Variants in SP100 observed in about 807,000 individuals in gnomAD.
The protein encoded by SP100 is nuclear autoantigen Sp-100.
SP100 carries 84 observed loss-of-function variants against 130.0 expected under a neutral mutation model. That is an observed-to-expected ratio of 0.65 (90% confidence interval 0.54 to 0.77). The LOEUF is 0.77. SP100 is among the 30% of genes least tolerant of loss of function. The probability of loss-of-function intolerance (pLI) is 0.00; values close to 1 mark genes in which losing one functional copy is unlikely to be tolerated. For synonymous variants in SP100, 331 were observed against 351.7 expected, an observed-to-expected ratio of 0.94 and a Z score of 0.66; for missense variants, 978 against 1,052.2, an observed-to-expected ratio of 0.93 and a Z score of 0.97.
At chr2:230,419,521 G>A (rs1215731280) in intron 2 of SP100, among the ~76,000 whole-genome samples, 2 of 152,186 alleles carry the variant, frequency 1.3e-5, no homozygotes, top group African/African-American at 2.4e-5. Context: ...ATTCAGATAT[G>A]CCAAAGAGAA....
At chr2:230,461,863 C>T (rs958710378) in intron 9 of SP100, among the ~76,000 whole-genome samples, 2 of 151,636 alleles carry the variant, frequency 1.3e-5, no homozygotes, top group African/African-American at 2.4e-5. Flanking sequence ...GCAGGAGCAT[C>T]GTTTGAGCCT....
In SP100 at chr2:230,460,844, C is replaced by T. The variant is rs1285438124; in HGVS notation, c.821-418C>T. 1.4e-4 allele frequency among the ~76,000 whole-genome samples: 3 copies of T among 21,980 alleles called. 1 individual carries two copies. The highest frequency in any genetic ancestry group is 7.7e-4 in the East Asian group (2 of 2,596). The allele number at this position is 21,980 out of a possible 152,430, so 14.4% of individuals were successfully genotyped here. ...TTCACCTTGTTAGCCAGGATGGTCT[C>T]GATCTCCTGACCTCATGATCCACCC... On this transcript the variant is annotated intron_variant, in intron 8 of 28. Transcript: ENST00000340126.
intron 17 of SP100, among the ~76,000 whole-genome samples, chr2:230,476,466 C>T (rs1267434369): frequency 6.6e-6 from 1 of 152,098 alleles, no homozygotes; most frequent in Non-Finnish European, 1.5e-5. Context: ...ACCTGAATGC[C>T]TTTTAAAGTA....
chr2:230,523,296 T>G (rs554102631), intron 24 of SP100, among the ~76,000 whole-genome samples: 6 of 152,382 alleles, frequency 3.9e-5, no homozygotes, highest in African/African-American at 1.4e-4. Context: ...TTTGTTTGTG[T>G]GTATACACGT....
intron 10 of SP100, chr2:230,463,740 A>G (rs984024235): frequency 2.3e-5 from 4 of 175,638 alleles, no homozygotes; most frequent in South Asian, 1.3e-4. Flanking sequence ...TCACGAATTT[A>G]ACAGAAGATC....
intron 2 of SP100, among the ~76,000 whole-genome samples, chr2:230,434,442 A>G (rs903469510): frequency 3.3e-5 from 5 of 152,216 alleles, no homozygotes; most frequent in African/African-American, 1.2e-4. Context: ...CCTTGTATAT[A>G]TCAGATACTC....
intron 23 of SP100, chr2:230,508,924 CACACACACACACACACACACACAT>C (rs1382506818): frequency 3.6e-5 from 1 of 27,812 alleles, no homozygotes. Flanking sequence ...CCACCACACA[CACACACACACACACACACACACAT>C]ACACACACAC....
intron 17 of SP100, among the ~76,000 whole-genome samples, chr2:230,481,873 GC>G (rs1181773115): frequency 2.6e-5 from 4 of 152,154 alleles, no homozygotes; most frequent in Non-Finnish European, 5.9e-5. Context: ...TACATAAGAT[GC>G]TTTTACCTGG....
chr2:230,422,776 G>T (rs951897145), intron 2 of SP100, among the ~76,000 whole-genome samples: 1 of 152,126 alleles, frequency 6.6e-6, no homozygotes, highest in African/African-American at 2.4e-5. Context: ...GCATAGATTG[G>T]TTCTCTAATG....
At chr2:230,481,361 T>C (rs1172233346) in intron 17 of SP100, among the ~76,000 whole-genome samples, 1 of 152,168 alleles carries the variant, frequency 6.6e-6, no homozygotes, top group African/African-American at 2.4e-5. Context: ...TCATCAGTAA[T>C]CCTCATCTCA....
intron 3 of SP100, among the ~76,000 whole-genome samples, chr2:230,443,341 G>A (rs2063546184): frequency 6.6e-6 from 1 of 152,218 alleles, no homozygotes; most frequent in African/African-American, 2.4e-5. Context: ...GTCCTCTGGA[G>A]TTGGAGTGAA....
intron 2 of SP100, among the ~76,000 whole-genome samples, chr2:230,428,861 G>A (rs2063017356): frequency 6.6e-6 from 1 of 152,132 alleles, no homozygotes; most frequent in African/African-American, 2.4e-5. Context: ...CCAACACTGG[G>A]GATTACAATT....
intron 2 of SP100, among the ~76,000 whole-genome samples, chr2:230,427,533 T>G (rs1325864685): frequency 6.6e-6 from 1 of 152,168 alleles, no homozygotes; most frequent in African/African-American, 2.4e-5. Context: ...AGTCACTCTA[T>G]TTCTTTTGAT....
At chr2:230,478,043 T>C (rs113719970) in intron 17 of SP100, among the ~76,000 whole-genome samples, 15 of 152,102 alleles carry the variant, frequency 9.9e-5, no homozygotes, top group African/African-American at 3.4e-4. Context: ...CCACTAAAAA[T>C]TTTTTTGTAC....
intron 2 of SP100, among the ~76,000 whole-genome samples, chr2:230,436,072 A>G (rs1027210898): frequency 2.0e-5 from 3 of 152,154 alleles, no homozygotes; most frequent in African/African-American, 7.2e-5. Context: ...ATTTCAGAAT[A>G]ATGGATGTTT....
chr2:230,443,993 A>G (rs1417699013), intron 3 of SP100, among the ~76,000 whole-genome samples, 185 bp from the exon 4 acceptor site: 1 of 152,236 alleles, frequency 6.6e-6, no homozygotes, highest in Non-Finnish European at 1.5e-5. Flanking sequence ...ATCAGTGGGC[A>G]TTTTTAAGGA....
chr2:230,481,497 T>C (rs2065831201), intron 17 of SP100, among the ~76,000 whole-genome samples: 1 of 152,208 alleles, frequency 6.6e-6, no homozygotes, highest in Non-Finnish European at 1.5e-5. Context: ...GATTTGTCCA[T>C]TCTTTATCTC....
chr2:230,471,509 T>A (rs1221225075), intron 15 of SP100, among the ~76,000 whole-genome samples: 3 of 152,196 alleles, frequency 2.0e-5, no homozygotes. Flanking sequence ...ATGCAGCCCA[T>A]TAGCTTGTGA....
chr2:230,455,750 T>C (rs2064243296), intron 8 of SP100, among the ~76,000 whole-genome samples: 1 of 152,232 alleles, frequency 6.6e-6, no homozygotes, highest in Admixed American at 6.5e-5. Context: ...TCTCTAGTGA[T>C]ACACTTTGAT....
Sources: allele counts gnomAD v4.1 joint callset (sites outside exome capture counted in the v4.1 genomes callset), GRCh38; gene constraint gnomAD v4.1.1; transcripts MANE v1.5; gene names NCBI Gene and HGNC (gene_info 2026-07-23, HGNC 2026-07-21).